MRAP2: variants seen among roughly 807,000 people sequenced by gnomAD.
The protein encoded by MRAP2 is melanocortin 2 receptor accessory protein 2.
MRAP2 carries 20 observed loss-of-function variants against 17.4 expected under a neutral mutation model. The ratio of observed to expected loss-of-function variants is 1.15; its 90% CI spans 0.81 to 1.67. The LOEUF (loss-of-function observed/expected upper bound fraction) is 1.67. Among genes scored for constraint, MRAP2 ranks in the 40% most tolerant of loss-of-function variants. The pLI, the probability that MRAP2 is intolerant of heterozygous loss-of-function variation, is 0.00. For synonymous variants in MRAP2, 96 were observed against 88.4 expected (o/e 1.09, Z -0.48); for missense variants, 238 against 240.0 (o/e 0.99, Z 0.05).
chr6:84,085,295 C>T (rs977274122), intron 3 of MRAP2, among the ~76,000 whole-genome samples: 5 of 152,084 alleles, frequency 3.3e-5, no homozygotes, highest in African/African-American at 1.2e-4. Flanking sequence ...ACCTCGTGAT[C>T]CGCCCTTCTC....
the MRAP2 span, among the ~76,000 whole-genome samples, chr6:84,129,098 G>A: frequency 2.0e-5 from 3 of 152,174 alleles, no homozygotes; most frequent in African/African-American, 7.2e-5. Context: ...TCATTGATGG[G>A]CATTTGGGTT....
At chr6:84,033,727 C>A (rs1188191025), upstream of MRAP2, 5 of 985,142 alleles carry the variant, frequency 5.1e-6, no homozygotes, top group African/African-American at 8.7e-5. Flanking sequence ...GCCTCCGCTG[C>A]GGGTCGGGAG....
intron 1 of MRAP2, among the ~76,000 whole-genome samples, chr6:84,042,756 A>G (rs935075856): frequency 6.6e-6 from 1 of 152,224 alleles, no homozygotes; most frequent in African/African-American, 2.4e-5. Context: ...CAGTGGGTGC[A>G]GTAGGTGGAG....
chr6:84,103,107 T>C, the MRAP2 span, among the ~76,000 whole-genome samples: 37 of 152,206 alleles, frequency 2.4e-4, no homozygotes, highest in African/African-American at 8.9e-4. Flanking sequence ...ACTGGCTGAA[T>C]AGAGATGATG....
At chr6:84,051,446 T>G (rs2099490386) in intron 1 of MRAP2, among the ~76,000 whole-genome samples, 1 of 152,102 alleles carries the variant, frequency 6.6e-6, no homozygotes, top group Non-Finnish European at 1.5e-5. Flanking sequence ...AGTCCCAGTT[T>G]CTTGGGAGGC....
the MRAP2 span, among the ~76,000 whole-genome samples, chr6:84,104,483 A>G: frequency 1.3e-5 from 2 of 152,182 alleles, no homozygotes; most frequent in Non-Finnish European, 2.9e-5. Context: ...TTAGGCTACA[A>G]ATTTTTACAA....
chr6:84,131,174 T>A, the MRAP2 span, among the ~76,000 whole-genome samples: 41 of 152,152 alleles, frequency 2.7e-4, no homozygotes, highest in Admixed American at 2.7e-3. Context: ...TTTGAGTGAG[T>A]TTTTTAATCC....
chr6:84,119,545 T>C, the MRAP2 span, among the ~76,000 whole-genome samples: 568 of 152,328 alleles, frequency 3.7e-3, 9 homozygotes, highest in East Asian at 0.031. Context: ...AAATCATTTA[T>C]GCATTGCCTG....
At chr6:84,088,854 T>A (rs2099501116) in intron 3 of MRAP2, among the ~76,000 whole-genome samples, 1 of 152,128 alleles carries the variant, frequency 6.6e-6, no homozygotes, top group South Asian at 2.1e-4. Context: ...CAGCAAGGTG[T>A]CTGTTTTCGG....
At chr6:84,042,925 C>T (rs989166489) in intron 1 of MRAP2, among the ~76,000 whole-genome samples, 2 of 152,232 alleles carry the variant, frequency 1.3e-5, no homozygotes, top group Non-Finnish European at 2.9e-5. Context: ...CTGGAAATAC[C>T]TGGTACCTCT....
At chr6:84,042,956 A>G (rs907532091) in intron 1 of MRAP2, among the ~76,000 whole-genome samples, 3 of 152,216 alleles carry the variant, frequency 2.0e-5, no homozygotes, top group Non-Finnish European at 4.4e-5. Flanking sequence ...TGTTTGCTAA[A>G]AGAATGGTTC....
intron 2 of MRAP2, among the ~76,000 whole-genome samples, chr6:84,060,823 C>CTA (rs1450485406): frequency 1.3e-5 from 2 of 149,394 alleles, no homozygotes; most frequent in African/African-American, 5.0e-5. Context: ...GTAGCTGGGA[C>CTA]TACAGGCGCC....
At chr6:84,039,610 T>G (rs1186148744) in intron 1 of MRAP2, among the ~76,000 whole-genome samples, 1 of 152,250 alleles carries the variant, frequency 6.6e-6, no homozygotes, top group Non-Finnish European at 1.5e-5. Context: ...GTGTTTCTGT[T>G]ATCAAGACCT....
intron 1 of MRAP2, among the ~76,000 whole-genome samples, chr6:84,053,948 G>T (rs1394399030): frequency 1.3e-5 from 2 of 152,102 alleles, no homozygotes; most frequent in African/African-American, 4.8e-5. Context: ...AGGGGTAAGG[G>T]AAAGGGGAGA....
At chr6:84,097,873 G>A in the MRAP2 span, among the ~76,000 whole-genome samples, 1 of 152,130 alleles carries the variant, frequency 6.6e-6, no homozygotes, top group Non-Finnish European at 1.5e-5. Context: ...TCTTTCCTCT[G>A]TTAAGTAGAT....
the MRAP2 span, among the ~76,000 whole-genome samples, chr6:84,109,313 G>A: frequency 6.6e-6 from 1 of 152,154 alleles, no homozygotes; most frequent in African/African-American, 2.4e-5. Flanking sequence ...AGCATTGAAT[G>A]TGTTTCTATT....
chr6:84,077,723 G>A (rs2099497973), intron 3 of MRAP2, among the ~76,000 whole-genome samples: 1 of 152,050 alleles, frequency 6.6e-6, no homozygotes, highest in Non-Finnish European at 1.5e-5. Flanking sequence ...TTTTGTATAA[G>A]GTCAATTGAA....
chr6:84,088,916 A>C (rs796863623), intron 3 of MRAP2, among the ~76,000 whole-genome samples, 175 bp from the exon 4 acceptor site: 16 of 152,198 alleles, frequency 1.1e-4, no homozygotes, highest in African/African-American at 3.6e-4. Context: ...TTATCTGTAC[A>C]TACTCAGAAG....
At chr6:84,105,492 A>G in the MRAP2 span, among the ~76,000 whole-genome samples, 1 of 152,184 alleles carries the variant, frequency 6.6e-6, no homozygotes, top group Non-Finnish European at 1.5e-5. Context: ...TCATGAGAAC[A>G]GCATGGGAAA....
Sources: gnomAD v4.1 joint callset for allele counts (sites outside exome capture counted in the v4.1 genomes callset) on GRCh38, gnomAD v4.1.1 for gene constraint, MANE v1.5 for transcripts, NCBI Gene and HGNC (gene_info 2026-07-23, HGNC 2026-07-21) for gene names.